The following ADISSP variants were observed in gnomAD, a reference collection of about 807,000 sequenced individuals.
ADISSP encodes adipose secreted signaling protein.
chr20:3,759,999 G>T, the ADISSP span: 1 of 1,602,600 alleles, frequency 6.2e-7, no homozygotes. This position sits in a 1 kb window ranked among gnomAD's most constrained non-coding sequence, Gnocchi z 4.6. Flanking sequence ...AGGTGGTGCG[G>T]GCCCTACCTG....
the ADISSP span, chr20:3,768,008 G>A: frequency 1.3e-5 from 2 of 152,244 alleles, no homozygotes; most frequent in African/African-American, 4.8e-5. Flanking sequence ...ACCACTCGAA[G>A]AGGGAGAAGG....
At chr20:3,761,862 A>C in the ADISSP span, among the ~76,000 whole-genome samples, 1 of 152,232 alleles carries the variant, frequency 6.6e-6, no homozygotes, top group Non-Finnish European at 1.5e-5. Flanking sequence ...TCATTTGCTA[A>C]AAACACAGAG....
the ADISSP span, chr20:3,758,750 C>A: frequency 2.0e-6 from 3 of 1,472,636 alleles, no homozygotes; most frequent in Non-Finnish European, 2.8e-6. This position sits in a 1 kb window ranked among gnomAD's most constrained non-coding sequence, Gnocchi z 5.5. Flanking sequence ...GTCCCCTCGT[C>A]ACCCCCAAGA....
chr20:3,758,805 G>C, the ADISSP span: 4 of 837,388 alleles, frequency 4.8e-6, no homozygotes, highest in Non-Finnish European at 7.4e-6. This position sits in a 1 kb window ranked among gnomAD's most constrained non-coding sequence, Gnocchi z 5.5. Flanking sequence ...GCTCTTTTCA[G>C]GGCTAGATGG....
the ADISSP span, chr20:3,754,338 G>C: frequency 6.3e-7 from 1 of 1,591,234 alleles, no homozygotes. Context: ...GAGGAGGACA[G>C]AAACCCTCGC....
At chr20:3,762,126 G>C in the ADISSP span, among the ~76,000 whole-genome samples, 87 of 152,270 alleles carry the variant, frequency 5.7e-4, no homozygotes, top group African/African-American at 1.9e-3. Context: ...ACAAAGATTA[G>C]CCGGGTGTGG....
chr20:3,761,258 A>G, the ADISSP span, among the ~76,000 whole-genome samples: 1 of 152,134 alleles, frequency 6.6e-6, no homozygotes, highest in African/African-American at 2.4e-5. Context: ...TGGATGCTAA[A>G]CCAGAGGGGA....
the ADISSP span, chr20:3,755,500 G>GAGGTGCAGGCTGGGGAC: frequency 6.2e-7 from 1 of 1,612,720 alleles, no homozygotes; most frequent in Non-Finnish European, 8.5e-7. Flanking sequence ...TGAGGAGCTT[G>GAGGTGCAGGCTGGGGAC]AGGTGCAGGC....
chr20:3,761,860 T>TA, the ADISSP span, among the ~76,000 whole-genome samples: 1 of 152,158 alleles, frequency 6.6e-6, no homozygotes. Context: ...TCTCATTTGC[T>TA]AAAAACACAG....
At chr20:3,763,348 G>A in the ADISSP span, among the ~76,000 whole-genome samples, 9 of 147,522 alleles carry the variant, frequency 6.1e-5, no homozygotes, top group Non-Finnish European at 9.0e-5. Flanking sequence ...ACCTGAGGTC[G>A]GGAGTTCAAG....
chr20:3,762,995 C>T, the ADISSP span, among the ~76,000 whole-genome samples: 1 of 152,170 alleles, frequency 6.6e-6, no homozygotes, highest in South Asian at 2.1e-4. Context: ...GCGGCTCACA[C>T]CTGTAATCCC....
chr20:3,763,591 G>A, the ADISSP span, among the ~76,000 whole-genome samples: 1 of 151,642 alleles, frequency 6.6e-6, no homozygotes, highest in South Asian at 2.1e-4. Flanking sequence ...TGGGGGATCT[G>A]GAAAATGTAA....
At chr20:3,753,882 A>AG in the ADISSP span, 1 of 612,440 alleles carries the variant, frequency 1.6e-6, no homozygotes, top group Non-Finnish European at 2.9e-6. Context: ...GAGGAGGACG[A>AG]GGGAGGGGCA....
the ADISSP span, chr20:3,754,442 C>T: frequency 6.2e-7 from 1 of 1,614,122 alleles, no homozygotes; most frequent in Non-Finnish European, 8.5e-7. Flanking sequence ...GTGCCAGTGC[C>T]ACCTTCGCAG....
the ADISSP span, among the ~76,000 whole-genome samples, chr20:3,755,123 C>G: frequency 5.4e-4 from 82 of 152,268 alleles, no homozygotes; most frequent in Non-Finnish European, 1.1e-3. Flanking sequence ...GTTATCCACA[C>G]GGTGTGTGTA....
the ADISSP span, chr20:3,754,187 T>C: frequency 1.3e-6 from 2 of 1,590,650 alleles, no homozygotes; most frequent in South Asian, 1.1e-5. Context: ...GTCAGTGCCA[T>C]GCTGGCCCCC....
the ADISSP span, among the ~76,000 whole-genome samples, chr20:3,764,140 G>A: frequency 6.6e-6 from 1 of 152,112 alleles, no homozygotes; most frequent in Non-Finnish European, 1.5e-5. Context: ...ACCGCCCCCC[G>A]ACTACAGCTG....
chr20:3,763,255 C>CA, the ADISSP span, among the ~76,000 whole-genome samples: 719 of 48,268 alleles, frequency 0.015, 18 homozygotes, highest in African/African-American at 0.034. Flanking sequence ...GACTCTGTCT[C>CA]AAAAAAAAAA....
chr20:3,758,093 C>T, the ADISSP span, among the ~76,000 whole-genome samples: 3,495 of 152,252 alleles, frequency 0.023, 133 homozygotes, highest in African/African-American at 0.08. This position sits in a 1 kb window ranked among gnomAD's most constrained non-coding sequence, Gnocchi z 5.5. Context: ...AAAGTTGCAC[C>T]TTGTTATTGC....
Sources: allele counts gnomAD v4.1 joint callset (sites outside exome capture counted in the v4.1 genomes callset), GRCh38; gene constraint gnomAD v4.1.1; non-coding constraint Gnocchi (gnomAD v3.1); transcripts MANE v1.5; gene names NCBI Gene and HGNC (gene_info 2026-07-23, HGNC 2026-07-21).